RSF1: variants seen among roughly 807,000 people sequenced by gnomAD.
RSF1 encodes the protein remodeling and spacing factor 1, also known as HBV pX-associated protein 8.
In RSF1, 13 loss-of-function variants were observed where a neutral mutation model predicts 145.2. The ratio of observed to expected loss-of-function variants is 0.09; its 90% CI spans 0.06 to 0.14. The LOEUF is 0.14. Among genes scored for constraint, RSF1 ranks in the 10% least tolerant of loss-of-function variants. The pLI is 1.00. For missense variants in RSF1, 1,517 were observed against 1,718.2 expected, an observed-to-expected ratio of 0.88 and a Z score of 2.07; for synonymous variants, 577 against 592.6, an observed-to-expected ratio of 0.97 and a Z score of 0.38.
chr11:77,689,482 C>A (rs559883402), intron 9 of RSF1, among the ~76,000 whole-genome samples: 44 of 152,306 alleles, frequency 2.9e-4, no homozygotes, highest in Admixed American at 2.1e-3. Context: ...GAAATATGTT[C>A]ATCGGTATAA....
rs72935507 is a variant in RSF1 at position 77,815,158 on chromosome 11, T to A, written c.187+5370A>T. ...GCATCAATTTGCCTGGAGGCACTGC[T>A]TGTGCCCAACAGTACAAGAGCGAGC... On this transcript the variant is annotated intron_variant, in intron 1 of 15. Coordinates refer to ENST00000308488, the MANE Select transcript of RSF1 (RefSeq NM_016578.4). Among the ~76,000 whole-genome samples, 1,361 of 152,350 alleles carry A rather than the reference T, an allele frequency of 8.9e-3. 33 individuals carry two copies. The highest frequency in any genetic ancestry group is 0.026 in the East Asian group (133 of 5,192).
At chr11:77,805,810 A>G (rs1948671888) in intron 1 of RSF1, among the ~76,000 whole-genome samples, 1 of 152,212 alleles carries the variant, frequency 6.6e-6, no homozygotes, top group South Asian at 2.1e-4. Context: ...TGATTGTTTA[A>G]AACTAGAAAG....
intron 5 of RSF1, chr11:77,717,703 T>A (rs889834614): frequency 6.6e-6 from 1 of 152,198 alleles, no homozygotes; most frequent in Non-Finnish European, 1.5e-5. Context: ...ACCATGACAA[T>A]GCCATGTTCC....
chr11:77,677,210 T>G (rs1959732355), intron 12 of RSF1: 1 of 540,794 alleles, frequency 1.8e-6, no homozygotes, highest in Non-Finnish European at 3.2e-6. Context: ...GTTTACTATG[T>G]AGGGAACCTC....
chr11:77,725,784 TA>T (rs1271408164), intron 4 of RSF1, 85 bp from the exon 5 acceptor site: 14 of 1,087,408 alleles, frequency 1.3e-5, no homozygotes, highest in Admixed American at 3.4e-5. Flanking sequence ...GAAATTAAAA[TA>T]AAAAAAGAAA....
the RSF1 span, among the ~76,000 whole-genome samples, chr11:77,860,305 C>A: frequency 6.6e-6 from 1 of 152,202 alleles, no homozygotes; most frequent in African/African-American, 2.4e-5. Context: ...TTTCACCATA[C>A]CTGGGAATCC....
chr11:77,804,854 TC>T (rs1948661739), intron 1 of RSF1, among the ~76,000 whole-genome samples: 1 of 152,212 alleles, frequency 6.6e-6, no homozygotes, highest in Admixed American at 6.5e-5. Context: ...AAAGAGTTGT[TC>T]CTCAGATGGA....
chr11:77,682,276 G>T (rs1253193815), intron 11 of RSF1, among the ~76,000 whole-genome samples: 2 of 152,104 alleles, frequency 1.3e-5, no homozygotes, highest in Non-Finnish European at 2.9e-5. Flanking sequence ...GATTACTGAT[G>T]CAAGTTTATA....
chr11:77,764,293 A>G (rs1948204293), intron 2 of RSF1: 3 of 248,636 alleles, frequency 1.2e-5, no homozygotes, highest in Admixed American at 1.1e-4. Flanking sequence ...GAGCCTTATT[A>G]GTTTCTTACT....
At chr11:77,747,943 C>T (rs1226625390) in intron 2 of RSF1, among the ~76,000 whole-genome samples, 4 of 152,088 alleles carry the variant, frequency 2.6e-5, no homozygotes, top group Non-Finnish European at 4.4e-5. Context: ...AGCAATTTCA[C>T]GTATTTCTTG....
the RSF1 span, among the ~76,000 whole-genome samples, chr11:77,835,914 GAAA>G: frequency 5.4e-5 from 8 of 146,994 alleles, no homozygotes; most frequent in African/African-American, 1.5e-4. Flanking sequence ...TGTCAAAAAA[GAAA>G]AAAAAAATAA....
chr11:77,688,000 T>C (rs1451180689), intron 9 of RSF1, among the ~76,000 whole-genome samples: 3 of 152,122 alleles, frequency 2.0e-5, no homozygotes, highest in East Asian at 1.9e-4. Context: ...TTAGAAAGAA[T>C]ACATTCTCAG....
chr11:77,701,205 A>C lies in RSF1; in HGVS notation c.2024T>G (p.Phe675Cys). ...CAGATTATCCATTTCTACCTTTGTG[A>C]ACTCAGAATCCTCTTTTAGGGTTTC... is the stretch of plus-strand genomic sequence containing the variant. ...DLETLKEDSE[F>C]TKVEMDNLDN... Residue 675 changes from phenylalanine (F) to cysteine (C), a missense_variant, in exon 6 of 16, where the codon TTC becomes TGC. Phe to Cys is a radical substitution (Grantham distance 205). This residue lies in a region of RSF1 where 579 missense variants were observed against 553.5 expected (regional missense o/e 1.05). Coordinates refer to ENST00000308488, the MANE Select transcript of RSF1 (RefSeq NM_016578.4). 1.2e-6 allele frequency: 2 copies of C among 1,614,084 alleles called. No homozygotes were observed. Among genetic ancestry groups the C allele is most frequent in the East Asian group, 4.5e-5 (2 of 44,876 alleles).
chr11:77,742,806 T>C (rs1039109882), intron 3 of RSF1, among the ~76,000 whole-genome samples: 3 of 152,222 alleles, frequency 2.0e-5, no homozygotes, highest in Non-Finnish European at 4.4e-5. Flanking sequence ...TTAAATCAGA[T>C]TGTTTTCTTG....
intron 2 of RSF1, among the ~76,000 whole-genome samples, chr11:77,756,671 A>G: frequency 6.6e-6 from 1 of 152,350 alleles, no homozygotes; most frequent in East Asian, 1.9e-4. Flanking sequence ...CATGATAAAG[A>G]AAATTCTCTA....
chr11:77,678,511 C>T (rs1959774135), intron 11 of RSF1, among the ~76,000 whole-genome samples: 2 of 152,172 alleles, frequency 1.3e-5, no homozygotes. Flanking sequence ...CCGCACCCAG[C>T]TGTCCTTTTA....
intron 1 of RSF1, among the ~76,000 whole-genome samples, chr11:77,769,555 G>C (rs1433494222): frequency 1.3e-5 from 2 of 152,212 alleles, no homozygotes; most frequent in Admixed American, 6.5e-5. Flanking sequence ...ACAGTCAGGG[G>C]CTATGTGAAT....
intron 9 of RSF1, among the ~76,000 whole-genome samples, chr11:77,687,988 T>C (rs544867944): frequency 6.6e-6 from 1 of 152,280 alleles, no homozygotes; most frequent in South Asian, 2.1e-4. Flanking sequence ...CATTCTTGGC[T>C]TTTAGAAAGA....
the RSF1 span, among the ~76,000 whole-genome samples, chr11:77,863,297 CT>C: frequency 6.6e-6 from 1 of 152,180 alleles, no homozygotes; most frequent in East Asian, 1.9e-4. Context: ...AGCAGACACC[CT>C]GCCGGATCCG....
Sources: gnomAD v4.1 joint callset for allele counts (sites outside exome capture counted in the v4.1 genomes callset) on GRCh38, gnomAD v4.1.1 for gene constraint, gnomAD v4.1.1 regional missense constraint, MANE v1.5 for transcripts, NCBI Gene and HGNC (gene_info 2026-07-23, HGNC 2026-07-21) for gene names.